Variants in FRMD4A observed in about 807,000 individuals in gnomAD.
FRMD4A encodes the protein FERM domain-containing protein 4A.
A neutral mutation model predicts 129.1 loss-of-function variants in FRMD4A; 29 were observed. The observed-to-expected ratio is 0.22, with a 90% CI of 0.17 to 0.31. The LOEUF (loss-of-function observed/expected upper bound fraction) is 0.31. FRMD4A is among the 10% of genes least tolerant of loss of function. The pLI is 1.00. For synonymous variants in FRMD4A, 634 were observed against 571.6 expected, an observed-to-expected ratio of 1.11 and a Z score of -1.56; for missense variants, 1,272 against 1,375.8, an observed-to-expected ratio of 0.92 and a Z score of 1.19.
At chr10:14,135,304 T>C (rs2131833931) in intron 2 of FRMD4A, among the ~76,000 whole-genome samples, 1 of 152,276 alleles carries the variant, frequency 6.6e-6, no homozygotes, top group Non-Finnish European at 1.5e-5. Context: ...AATAGCTGAG[T>C]CTTGACCAAT....
At chr10:14,226,783 C>T (rs533051624) in intron 2 of FRMD4A, among the ~76,000 whole-genome samples, 44 of 152,286 alleles carry the variant, frequency 2.9e-4, no homozygotes, top group African/African-American at 9.4e-4. Context: ...GAGGGTCTCT[C>T]GGTCACTATC....
chr10:13,926,946 G>A (rs2095140298), intron 2 of FRMD4A, among the ~76,000 whole-genome samples: 1 of 152,076 alleles, frequency 6.6e-6, no homozygotes, highest in African/African-American at 2.4e-5. Flanking sequence ...TCCAACCCAA[G>A]CCTTCATTTA....
rs1842053070 is a variant in FRMD4A, at chr10:14,185,315, C to G, written c.45+144743G>C. On this transcript the variant is annotated intron_variant, in intron 2 of 24. Coordinates refer to ENST00000357447, the MANE Select transcript of FRMD4A (RefSeq NM_018027.5). ...CAGCAGAAGGATGTAGAGATAGAGT[C>G]TTTCATTTTTTCATTTAGTTCTAGA... 2.6e-5 allele frequency among the ~76,000 whole-genome samples: 4 copies of G among 152,144 alleles called. No homozygotes were observed. In the South Asian group the frequency reaches 8.3e-4, roughly 32 times the overall value.
chr10:13,974,133 T>C (rs1431927997), intron 2 of FRMD4A, among the ~76,000 whole-genome samples: 1 of 151,896 alleles, frequency 6.6e-6, no homozygotes, highest in Non-Finnish European at 1.5e-5. Context: ...TAGGGACAGT[T>C]CTAAAGGCAT....
In FRMD4A at chr10:14,279,874, A is replaced by G. The variant is rs369776701; in HGVS notation, c.45+50184T>C. On this transcript the variant is annotated intron_variant, in intron 2 of 24. Transcript: ENST00000357447. ...TTCTGGGTCTCTCTAACTCAAGCCTATGGTCATAACCACTCCACATTATTG... is the reference window on the plus strand; with the variant it reads ...TTCTGGGTCTCTCTAACTCAAGCCTGTGGTCATAACCACTCCACATTATTG... Among the ~76,000 whole-genome samples, 8 of 152,356 alleles carry G rather than the reference A, an allele frequency of 5.3e-5. No individual in the cohort carries two copies. In the South Asian group the frequency reaches 6.2e-4, roughly 12 times the overall value.
chr10:14,205,872 AT>A (rs1842767868), intron 2 of FRMD4A, among the ~76,000 whole-genome samples: 1 of 149,004 alleles, frequency 6.7e-6, no homozygotes, highest in Non-Finnish European at 1.5e-5. Context: ...CCTCTGCTTG[AT>A]TTGGGATGTA....
chr10:13,884,166 A>ACG (rs1564971026), intron 2 of FRMD4A, among the ~76,000 whole-genome samples: 5 of 44,982 alleles, frequency 1.1e-4, no homozygotes, highest in African/African-American at 4.1e-4. Flanking sequence ...TCACACACAC[A>ACG]CTCACACACT....
At chr10:14,309,791 CG>C in intron 2 of FRMD4A, among the ~76,000 whole-genome samples, 1 of 152,142 alleles carries the variant, frequency 6.6e-6, no homozygotes, top group Non-Finnish European at 1.5e-5. Flanking sequence ...CTCTTCCCAA[CG>C]TAGTCTTCTC....
intron 2 of FRMD4A, among the ~76,000 whole-genome samples, chr10:13,964,493 G>A (rs989342869): frequency 2.7e-5 from 4 of 150,838 alleles, no homozygotes; most frequent in African/African-American, 9.7e-5. Flanking sequence ...GGGTGGGGAG[G>A]CAATAGAGAG....
chr10:13,959,656 G>A (rs2131356315), intron 2 of FRMD4A, among the ~76,000 whole-genome samples: 1 of 152,164 alleles, frequency 6.6e-6, no homozygotes, highest in Admixed American at 6.5e-5. Context: ...CATGAGCTTG[G>A]GAGGCAAACC....
chr10:14,060,115 G>A (rs185736399), intron 2 of FRMD4A, among the ~76,000 whole-genome samples: 3 of 152,264 alleles, frequency 2.0e-5, no homozygotes, highest in South Asian at 2.1e-4. Context: ...TTTTGAGCCC[G>A]ACGTTAAATA....
At chr10:13,976,067 G>A (rs1231834673) in intron 2 of FRMD4A, among the ~76,000 whole-genome samples, 5 of 152,200 alleles carry the variant, frequency 3.3e-5, no homozygotes, top group Admixed American at 2.0e-4. Context: ...GGAATACCAT[G>A]TTAGACACCA....
chr10:14,303,294 G>A (rs1260974628), intron 2 of FRMD4A, among the ~76,000 whole-genome samples: 2 of 152,116 alleles, frequency 1.3e-5, no homozygotes, highest in East Asian at 3.9e-4. Flanking sequence ...AATCACCAGG[G>A]GTCCTTGCTG....
At chr10:13,829,789 T>C (rs1196064416) in intron 3 of FRMD4A, among the ~76,000 whole-genome samples, 2 of 152,214 alleles carry the variant, frequency 1.3e-5, no homozygotes, top group African/African-American at 4.8e-5. Context: ...TCTGTGGGAA[T>C]TCAGGAGAGC....
At chr10:14,244,722 G>A (rs1844172852) in intron 2 of FRMD4A, among the ~76,000 whole-genome samples, 1 of 152,196 alleles carries the variant, frequency 6.6e-6, no homozygotes, top group African/African-American at 2.4e-5. Flanking sequence ...CCATTTTCCA[G>A]ATGAAGCAAC....
chr10:14,119,823 T>C (rs1426655815), intron 2 of FRMD4A, among the ~76,000 whole-genome samples: 1 of 152,164 alleles, frequency 6.6e-6, no homozygotes, highest in Non-Finnish European at 1.5e-5. Context: ...CAAGCAAGGC[T>C]GAGGGAATAT....
At chr10:14,174,457 G>A (rs1248671598) in intron 2 of FRMD4A, among the ~76,000 whole-genome samples, 2 of 152,222 alleles carry the variant, frequency 1.3e-5, no homozygotes, top group East Asian at 3.9e-4. Flanking sequence ...GGCGAGGGGG[G>A]CTGAGCCGGA....
At chr10:14,313,166 A>C (rs529314015) in intron 2 of FRMD4A, among the ~76,000 whole-genome samples, 1 of 150,866 alleles carries the variant, frequency 6.6e-6, no homozygotes, top group East Asian at 2.0e-4. Flanking sequence ...CAGCTTGGGC[A>C]ATATAGTGAG....
intron 2 of FRMD4A, among the ~76,000 whole-genome samples, chr10:14,271,794 A>T (rs1242506665): frequency 6.6e-6 from 1 of 152,230 alleles, no homozygotes; most frequent in South Asian, 2.1e-4. Flanking sequence ...GACCTGAAGC[A>T]TGATTTGCAT....
Sources: allele counts gnomAD v4.1 joint callset (sites outside exome capture counted in the v4.1 genomes callset), GRCh38; gene constraint gnomAD v4.1.1; transcripts MANE v1.5; gene names NCBI Gene and HGNC (gene_info 2026-07-23, HGNC 2026-07-21).